Variants in SLC6A4 observed in about 807,000 individuals in gnomAD.
SLC6A4 encodes the protein sodium-dependent serotonin transporter.
In SLC6A4, 22 loss-of-function variants were observed where a neutral mutation model predicts 73.4. The ratio of observed to expected loss-of-function variants is 0.30; its 90% confidence interval spans 0.21 to 0.43. SLC6A4 has a LOEUF of 0.43. Ranked by LOEUF, SLC6A4 falls within the 20% of genes least tolerant of loss-of-function variation. The pLI is 1.00. For synonymous variants in SLC6A4, 270 were observed against 315.5 expected (o/e 0.86, Z 1.53); for missense variants, 593 against 808.5 (o/e 0.73, Z 3.23).
intron 1 of SLC6A4, among the ~76,000 whole-genome samples, chr17:30,224,682 T>C (rs1906878036): frequency 6.6e-6 from 1 of 152,146 alleles, no homozygotes; most frequent in Non-Finnish European, 1.5e-5. Flanking sequence ...AAGCAATACT[T>C]TGGGGAGAGG....
chr17:30,202,749 T>G (rs1906076405), intron 14 of SLC6A4, among the ~76,000 whole-genome samples: 1 of 152,232 alleles, frequency 6.6e-6, no homozygotes, highest in African/African-American at 2.4e-5. Flanking sequence ...GTGATGATTT[T>G]CAAAATAATA....
rs1906382504 is a variant in SLC6A4 at position 30,211,435 on chromosome 17, G to A, written c.1205-11C>T. 6.4e-7 allele frequency: 1 copy of A among 1,563,308 alleles called. No individual in the cohort carries two copies. The highest frequency in any genetic ancestry group is 1.7e-5 in the Admixed American group (1 of 59,926). ...AGAGGAGGCTGGGACCTGAGACAGA[G>A]GGGAGAGAGGAGGAGGTGGTTGACA... On this transcript the variant is annotated splice_polypyrimidine_tract_variant and intron_variant, in intron 9 of 14. Coordinates refer to ENST00000650711, the MANE Select transcript of SLC6A4 (RefSeq NM_001045.6). This position sits in a 1 kb window ranked among gnomAD's most constrained non-coding sequence, Gnocchi z 4.0.
At chr17:30,201,305 G>A (rs183301878) in intron 14 of SLC6A4, among the ~76,000 whole-genome samples, 27 of 152,256 alleles carry the variant, frequency 1.8e-4, no homozygotes, top group African/African-American at 6.5e-4. Flanking sequence ...TCACCGACAG[G>A]GGTGTATCAC....
intron 2 of SLC6A4, 47 bp downstream of exon 2, chr17:30,222,772 T>G (rs1358798310): frequency 7.7e-7 from 1 of 1,301,214 alleles, no homozygotes; most frequent in Non-Finnish European, 1.0e-6. Flanking sequence ...GCGTTCCCAT[T>G]ATGCATTTGC....
intron 13 of SLC6A4, 81 bp from the exon 14 acceptor site, chr17:30,203,420 A>AAAT: frequency 1.7e-6 from 2 of 1,171,440 alleles, no homozygotes; most frequent in South Asian, 2.8e-5. Context: ...CACAAACACC[A>AAAT]AATGCTAAAG....
intron 11 of SLC6A4, 52 bp downstream of exon 11, chr17:30,210,463 G>A (rs958147118): frequency 3.4e-5 from 53 of 1,577,766 alleles, no homozygotes; most frequent in African/African-American, 5.4e-5. Context: ...TTCCTGTAGC[G>A]TTCTGCTGCC....
At position 30,195,490 on chromosome 17, in the gene SLC6A4, A is replaced by AC. The variant is rs1321357214; in HGVS notation, c.*2965dup. 7 of 152,302 alleles carry AC rather than the reference A, an allele frequency of 4.6e-5. No individual in the cohort carries two copies. Among genetic ancestry groups the AC allele is most frequent in the African/African-American group, 1.7e-4 (7 of 41,556 alleles). 9.4% of individuals were successfully genotyped at this position (152,302 alleles called of 1,614,324 possible). On this transcript the variant is annotated 3_prime_UTR_variant, in exon 15 of 15. Transcript: ENST00000650711. Reference sequence around the variant, plus strand: ...TGGCCAGGCTGGTCTCGAACTCCTGACCTCAAGTGATCCGCCCACCTTGGC... The same window carrying AC: ...TGGCCAGGCTGGTCTCGAACTCCTGACCCTCAAGTGATCCGCCCACCTTGGC...
intron 1 of SLC6A4, among the ~76,000 whole-genome samples, chr17:30,231,856 C>G (rs1348932027): frequency 6.6e-6 from 1 of 152,142 alleles, no homozygotes; most frequent in Non-Finnish European, 1.5e-5. Context: ...AAAGGGCCAG[C>G]TAATTTGGTT....
At chr17:30,224,169 C>T (rs929287664) in intron 1 of SLC6A4, among the ~76,000 whole-genome samples, 3 of 151,638 alleles carry the variant, frequency 2.0e-5, no homozygotes, top group Non-Finnish European at 2.9e-5. Flanking sequence ...TGGAGGGCAC[C>T]GAGTTGACAG....
intron 13 of SLC6A4, 83 bp from the exon 14 acceptor site, chr17:30,203,422 A>C: frequency 8.8e-7 from 1 of 1,137,426 alleles, no homozygotes; most frequent in Non-Finnish European, 1.3e-6. Context: ...CAAACACCAA[A>C]TGCTAAAGCT....
intron 3 of SLC6A4, 81 bp from the exon 4 acceptor site, chr17:30,219,012 A>C (rs1478868477): frequency 6.4e-7 from 1 of 1,566,356 alleles, no homozygotes; most frequent in Non-Finnish European, 8.7e-7. Flanking sequence ...TGAGAATCAC[A>C]GTCGCCGGAT....
At chr17:30,231,365 T>A (rs1044665910) in intron 1 of SLC6A4, among the ~76,000 whole-genome samples, 1 of 151,342 alleles carries the variant, frequency 6.6e-6, no homozygotes, top group East Asian at 1.9e-4. Flanking sequence ...TACAGATACA[T>A]ATAGTTTATA....
chr17:30,202,026 A>G lies in SLC6A4; in HGVS notation c.1818+1146T>C, dbSNP rs146139193. ...AGGATCACCTGAGCCCAGGAGTTTG[A>G]GGCTGCAGTGAGCCATGATTATACC... On this transcript the variant is annotated intron_variant, in intron 14 of 14. Transcript: ENST00000650711. Among the ~76,000 whole-genome samples, 787 of 152,214 alleles carry G rather than the reference A, an allele frequency of 5.2e-3. 7 individuals carry two copies. Among genetic ancestry groups the G allele is most frequent in the African/African-American group, 0.018 (747 of 41,502 alleles).
intron 1 of SLC6A4, among the ~76,000 whole-genome samples, chr17:30,232,444 G>C (rs545034391): frequency 1.1e-4 from 17 of 152,328 alleles, no homozygotes; most frequent in African/African-American, 4.1e-4. Context: ...TGAAGACCTG[G>C]GACATTGCCT....
intron 8 of SLC6A4, 145 bp downstream of exon 8, chr17:30,215,466 G>A (rs1159423464): frequency 1.5e-6 from 1 of 688,242 alleles, no homozygotes; most frequent in Non-Finnish European, 2.6e-6. Flanking sequence ...AGCTGGTCAG[G>A]GGCCTGCAGC....
intron 2 of SLC6A4, 42 bp from the exon 3 acceptor site, chr17:30,222,123 A>G (rs1364327057): frequency 2.3e-6 from 3 of 1,323,864 alleles, no homozygotes; most frequent in East Asian, 5.0e-5. Context: ...AAAGTTAGAC[A>G]TTTTACTCAT....
At chr17:30,214,378 C>T (rs1340056429) in intron 8 of SLC6A4, among the ~76,000 whole-genome samples, 2 of 144,222 alleles carry the variant, frequency 1.4e-5, no homozygotes, top group Admixed American at 7.0e-5. Context: ...GCTGAGATTG[C>T]GCCATTGCAC....
At chr17:30,212,374 T>C (rs997087288) in intron 9 of SLC6A4, among the ~76,000 whole-genome samples, 1 of 152,174 alleles carries the variant, frequency 6.6e-6, no homozygotes, top group Non-Finnish European at 1.5e-5. Flanking sequence ...GCATCGAGCT[T>C]CTCTCAAATC....
At chr17:30,208,048 G>A (rs1388120722) in intron 12 of SLC6A4, among the ~76,000 whole-genome samples, 1 of 152,182 alleles carries the variant, frequency 6.6e-6, no homozygotes, top group Non-Finnish European at 1.5e-5. Flanking sequence ...CGAAAGTGGG[G>A]CTGGGGGACT....
Sources: allele counts gnomAD v4.1 joint callset (sites outside exome capture counted in the v4.1 genomes callset), GRCh38; gene constraint gnomAD v4.1.1; non-coding constraint Gnocchi (gnomAD v3.1); transcripts MANE v1.5; gene names NCBI Gene and HGNC (gene_info 2026-07-23, HGNC 2026-07-21).